FRA10AC1: variants seen among roughly 807,000 people sequenced by gnomAD.
FRA10AC1 encodes the protein FRA10A associated CGG repeat 1, also known as protein FRA10AC1.
A neutral mutation model predicts 56.5 loss-of-function variants in FRA10AC1; 43 were observed. The observed-to-expected ratio is 0.76, with a 90% CI of 0.60 to 0.98. FRA10AC1 has a LOEUF of 0.98. Among genes scored for constraint, FRA10AC1 ranks in the 50% least tolerant of loss-of-function variants. FRA10AC1 has a pLI of 0.00. For synonymous variants in FRA10AC1, 112 were observed against 110.5 expected (o/e 1.01, Z -0.09); for missense variants, 346 against 351.8 (o/e 0.98, Z 0.13).
intron 1 of FRA10AC1, among the ~76,000 whole-genome samples, chr10:93,700,703 G>C (rs1311636528): frequency 6.6e-6 from 1 of 152,160 alleles, no homozygotes; most frequent in East Asian, 1.9e-4. Flanking sequence ...TTTGTGAACA[G>C]TACATCATCA....
chr10:93,685,625 A>G (rs2059013966), intron 8 of FRA10AC1, among the ~76,000 whole-genome samples: 1 of 151,708 alleles, frequency 6.6e-6, no homozygotes, highest in Admixed American at 6.6e-5. Context: ...GGAATCTTAC[A>G]CTTTGGAAAG....
chr10:93,669,939 T>C, intron 13 of FRA10AC1, 71 bp from the exon 14 acceptor site: 3 of 762,330 alleles, frequency 3.9e-6, no homozygotes, highest in Non-Finnish European at 6.5e-6. Context: ...TTATATGAGA[T>C]TAATAAAAAT....
intron 12 of FRA10AC1, 51 bp downstream of exon 12, chr10:93,676,602 T>C (rs568186186): frequency 2.0e-6 from 3 of 1,510,742 alleles, no homozygotes; most frequent in South Asian, 2.6e-5. Context: ...GAAATCTAAA[T>C]TGCAAATACC....
At chr10:93,691,853 C>A in intron 7 of FRA10AC1, 156 bp downstream of exon 7, 1 of 716,004 alleles carries the variant, frequency 1.4e-6, no homozygotes, top group South Asian at 2.3e-5. Flanking sequence ...TCCACAGCTG[C>A]AGAGGTTAAA....
intron 5 of FRA10AC1, among the ~76,000 whole-genome samples, chr10:93,694,396 G>A (rs2059192616): frequency 6.6e-6 from 1 of 152,068 alleles, no homozygotes. Flanking sequence ...AGGAGCTGTG[G>A]ATGGTATCTC....
chr10:93,692,040 A>C lies in FRA10AC1; in HGVS notation c.434T>G (p.Ile145Arg), dbSNP rs2059132106. The stretch of plus-strand genomic sequence containing the variant: ...TTCTTTATATTTACTGAGATCTGCT[A>C]TGCAGTATTCCTTAAATAATTTATC... Reference protein sequence around the residue: ...YYDKLFKEYCIADLSKYKENK... With the variant: ...YYDKLFKEYCRADLSKYKENK... The change falls in exon 7 of 14, where the codon ATA (isoleucine) becomes AGA (arginine). Residue 145 changes from isoleucine (I) to arginine (R), a missense_variant. Transcript: ENST00000359204. 6.4e-7 allele frequency: 1 copy of C among 1,571,764 alleles called. No individual in the cohort carries two copies. The highest frequency in any genetic ancestry group is 1.2e-5 in the South Asian group (1 of 83,390).
chr10:93,676,404 T>C (rs796255726), intron 12 of FRA10AC1, among the ~76,000 whole-genome samples: 66 of 152,312 alleles, frequency 4.3e-4, no homozygotes, highest in African/African-American at 1.3e-3. Flanking sequence ...AATTGAAAGA[T>C]ATATCCATTG....
At chr10:93,699,301 T>TA (rs141998536) in intron 2 of FRA10AC1, among the ~76,000 whole-genome samples, 2,725 of 152,320 alleles carry the variant, frequency 0.018, 32 homozygotes, top group Middle Eastern at 0.058. Context: ...AACCTGTTAG[T>TA]ATGCCTAATA....
At chr10:93,681,682 A>C in intron 10 of FRA10AC1, 84 bp from the exon 11 acceptor site, 2 of 1,196,376 alleles carry the variant, frequency 1.7e-6, no homozygotes, top group Non-Finnish European at 2.2e-6. Flanking sequence ...AAAAAACCAA[A>C]ATCAGTTAAA....
chr10:93,698,906 A>T (rs775847647), intron 2 of FRA10AC1, among the ~76,000 whole-genome samples: 3 of 152,214 alleles, frequency 2.0e-5, no homozygotes, highest in Non-Finnish European at 2.9e-5. Flanking sequence ...AAACATTAAG[A>T]CACTTTTTCA....
chr10:93,693,574 T>C (rs2059172275), intron 5 of FRA10AC1, among the ~76,000 whole-genome samples: 1 of 141,498 alleles, frequency 7.1e-6, no homozygotes, highest in Non-Finnish European at 1.5e-5. Context: ...CATATATATA[T>C]ACACACCATA....
chr10:93,690,789 G>C (rs2059112924), intron 7 of FRA10AC1, among the ~76,000 whole-genome samples: 1 of 152,152 alleles, frequency 6.6e-6, no homozygotes, highest in African/African-American at 2.4e-5. Context: ...GTGGTACAGA[G>C]AAGACAGCTG....
intron 12 of FRA10AC1, chr10:93,673,277 A>G (rs2058794078): frequency 2.2e-6 from 1 of 455,350 alleles, no homozygotes. Context: ...AGCCTTGCAA[A>G]TATCCATACA....
Position 93,685,252 on chromosome 10 carries a change from T to C in FRA10AC1, c.619A>G (p.Lys207Glu). The C allele has an allele frequency of 6.9e-7, 1 of 1,448,632 alleles. No homozygotes were observed. Among genetic ancestry groups the C allele is most frequent in the Non-Finnish European group, 9.7e-7 (1 of 1,035,806 alleles). The allele number at this position is 1,448,632 out of a possible 1,614,324, so 89.7% of individuals were successfully genotyped here. The change falls in exon 9 of 14, where the codon AAA becomes GAA. Residue 207 changes from lysine (K) to glutamate (E), a missense_variant. Coordinates refer to ENST00000359204, the MANE Select transcript of FRA10AC1 (RefSeq NM_145246.5). Reference protein sequence around the residue: ...EHGEKRNALVKLRLCQECSIK... With the variant: ...EHGEKRNALVELRLCQECSIK... ...CCCCCTAAAATCAACTTACTTAATTTAACAAGTGCATTTCTCTTCTCACCA... is the reference window on the plus strand; with the variant it reads ...CCCCCTAAAATCAACTTACTTAATTCAACAAGTGCATTTCTCTTCTCACCA...
At chr10:93,697,365 A>G (rs1194833117) in intron 4 of FRA10AC1, among the ~76,000 whole-genome samples, 1 of 152,232 alleles carries the variant, frequency 6.6e-6, no homozygotes, top group African/African-American at 2.4e-5. Context: ...CTATAACTTA[A>G]AAGAAAAATA....
At chr10:93,695,002 G>T in intron 4 of FRA10AC1, 65 bp from the exon 5 acceptor site, 1 of 820,092 alleles carries the variant, frequency 1.2e-6, no homozygotes, top group East Asian at 2.5e-5. Flanking sequence ...ATATATTGCT[G>T]ATTGGTGGTA....
At chr10:93,693,513 A>G (rs1323567529) in intron 5 of FRA10AC1, among the ~76,000 whole-genome samples, 2 of 29,120 alleles carry the variant, frequency 6.9e-5, no homozygotes, top group African/African-American at 1.3e-4. Context: ...TATATACACC[A>G]TATATATATA....
rs1298175330 is a variant in FRA10AC1 at position 93,702,494 on chromosome 10, C to T, written c.-120G>A. 4.8e-6 allele frequency: 1 copy of T among 208,760 alleles called. No individual in the cohort carries two copies. Among genetic ancestry groups the T allele is most frequent in the South Asian group, 6.6e-5 (1 of 15,190 alleles). The allele number at this position is 208,760 out of a possible 1,614,324, so 12.9% of individuals were successfully genotyped here. A position where few individuals can be genotyped will look rare whatever the true frequency, so the allele number is the denominator to read the frequency against. Reference sequence around the variant, plus strand: ...CCGCTGCAGCACAGGTCCCGTGCGCCCTGCCGCACAGCCTCGCCACAACCA... The same window carrying T: ...CCGCTGCAGCACAGGTCCCGTGCGCTCTGCCGCACAGCCTCGCCACAACCA... On this transcript the variant is annotated 5_prime_UTR_variant, in exon 1 of 14. Transcript: ENST00000359204.
At chr10:93,670,675 A>C in intron 13 of FRA10AC1, 95 bp downstream of exon 13, 1 of 777,626 alleles carries the variant, frequency 1.3e-6, no homozygotes. Flanking sequence ...TAAATAGATC[A>C]CCATGATGTT....
Sources: allele counts gnomAD v4.1 joint callset (sites outside exome capture counted in the v4.1 genomes callset), GRCh38; gene constraint gnomAD v4.1.1; transcripts MANE v1.5; gene names NCBI Gene and HGNC (gene_info 2026-07-23, HGNC 2026-07-21).